Variants in PDLIM5 observed in about 807,000 individuals in gnomAD.
PDLIM5 encodes the protein PDZ and LIM domain protein 5.
A neutral mutation model predicts 64.2 loss-of-function variants in PDLIM5; 34 were observed. The ratio of observed to expected loss-of-function variants is 0.53; its 90% CI spans 0.40 to 0.71. The LOEUF is 0.71. Ranked by LOEUF, PDLIM5 falls within the 30% of genes least tolerant of loss-of-function variation. The pLI is 0.00. For synonymous variants in PDLIM5, 253 were observed against 269.1 expected (o/e 0.94, Z 0.59); for missense variants, 683 against 733.6 (o/e 0.93, Z 0.80).
intron 9 of PDLIM5, among the ~76,000 whole-genome samples, chr4:94,646,546 A>G (rs1363945691): frequency 6.6e-6 from 1 of 152,246 alleles, no homozygotes; most frequent in Non-Finnish European, 1.5e-5. Context: ...TAAAAAATAC[A>G]GACAAGCAAA....
chr4:94,529,804 G>C lies in PDLIM5; in HGVS notation c.248+5929G>C, dbSNP rs573430525. Among the ~76,000 whole-genome samples the C allele has an allele frequency of 2.6e-5, 4 of 152,184 alleles. No individual in the cohort carries two copies. The East Asian group carries it at 7.7e-4, about 29-fold the overall frequency. The stretch of plus-strand genomic sequence containing the variant: ...CCGTGAAACTAATTCTAGGAGTACT[G>C]CAACTGAACTATAAAAAATTCTATT... On this transcript the variant is annotated intron_variant, in intron 3 of 12. Transcript: ENST00000317968.
chr4:94,603,505 C>G (rs1737661438), intron 7 of PDLIM5, among the ~76,000 whole-genome samples: 1 of 152,108 alleles, frequency 6.6e-6, no homozygotes, highest in African/African-American at 2.4e-5. Context: ...ACTGGGAAAA[C>G]TGGGACGTTG....
chr4:94,456,621 G>T, intron 2 of PDLIM5: 1 of 762,358 alleles, frequency 1.3e-6, no homozygotes, highest in South Asian at 1.6e-5. Context: ...TAAGGAAAGT[G>T]ACATTTAACC....
At chr4:94,583,281 T>C (rs560350448) in intron 5 of PDLIM5, among the ~76,000 whole-genome samples, 1 of 152,252 alleles carries the variant, frequency 6.6e-6, no homozygotes, top group African/African-American at 2.4e-5. Flanking sequence ...GGTAGTGTAC[T>C]TTTTACAAGT....
intron 7 of PDLIM5, among the ~76,000 whole-genome samples, chr4:94,606,229 C>G (rs1480025757): frequency 6.6e-6 from 1 of 152,122 alleles, no homozygotes; most frequent in African/African-American, 2.4e-5. Flanking sequence ...AGCTTCTAGT[C>G]TTCTGAGACT....
intron 5 of PDLIM5, among the ~76,000 whole-genome samples, chr4:94,580,290 A>G (rs1444080531): frequency 6.6e-6 from 1 of 152,174 alleles, no homozygotes; most frequent in East Asian, 1.9e-4. Flanking sequence ...TTGGCATCAC[A>G]CCATAAAGTC....
intron 7 of PDLIM5, among the ~76,000 whole-genome samples, chr4:94,604,872 TA>T (rs1737791385): frequency 6.6e-6 from 1 of 152,178 alleles, no homozygotes; most frequent in Non-Finnish European, 1.5e-5. Context: ...CCACAGTTTT[TA>T]AAATGAGGAA....
At chr4:94,583,941 T>C (rs962743774) in intron 5 of PDLIM5, among the ~76,000 whole-genome samples, 1 of 152,212 alleles carries the variant, frequency 6.6e-6, no homozygotes, top group African/African-American at 2.4e-5. Context: ...GATGAGGAAA[T>C]TGAGCTTAGA....
chr4:94,499,496 A>C (rs1174863245), intron 2 of PDLIM5, among the ~76,000 whole-genome samples: 1 of 152,246 alleles, frequency 6.6e-6, no homozygotes, highest in Non-Finnish European at 1.5e-5. Flanking sequence ...ACAATAAAAA[A>C]TACAAAGAAA....
At chr4:94,643,550 A>G (rs149375981) in intron 9 of PDLIM5, among the ~76,000 whole-genome samples, 4 of 152,096 alleles carry the variant, frequency 2.6e-5, no homozygotes, top group African/African-American at 4.8e-5. Context: ...ATTAAAATCT[A>G]TTGACCATTT....
At chr4:94,658,619 A>T (rs1742406322) in intron 11 of PDLIM5, among the ~76,000 whole-genome samples, 1 of 152,230 alleles carries the variant, frequency 6.6e-6, no homozygotes, top group South Asian at 2.1e-4. Context: ...ATGGAGTTAA[A>T]GGAGCAGTCA....
chr4:94,626,003 C>T (rs1390961604), intron 8 of PDLIM5, among the ~76,000 whole-genome samples: 2 of 152,138 alleles, frequency 1.3e-5, no homozygotes, highest in Non-Finnish European at 2.9e-5. Flanking sequence ...TTTGAAGAAG[C>T]ATGATACAAG....
intron 3 of PDLIM5, among the ~76,000 whole-genome samples, chr4:94,551,170 G>A (rs1325124919): frequency 6.6e-6 from 1 of 151,804 alleles, no homozygotes; most frequent in Non-Finnish European, 1.5e-5. Flanking sequence ...TCTATCTCAG[G>A]GTTTTATAGC....
chr4:94,595,115 A>T (rs753934326), intron 7 of PDLIM5, among the ~76,000 whole-genome samples: 1 of 152,182 alleles, frequency 6.6e-6, no homozygotes, highest in Non-Finnish European at 1.5e-5. Flanking sequence ...ACCAGATCTC[A>T]TGAGAACAAT....
intron 2 of PDLIM5, among the ~76,000 whole-genome samples, chr4:94,470,043 T>C (rs1418624981): frequency 6.9e-6 from 1 of 145,392 alleles, no homozygotes; most frequent in Non-Finnish European, 1.5e-5. Flanking sequence ...CTCGACTCAC[T>C]GCAACCTCCG....
At chr4:94,587,814 A>G (rs1736361087) in intron 7 of PDLIM5, 1 of 883,734 alleles carries the variant, frequency 1.1e-6, no homozygotes, top group Non-Finnish European at 1.4e-6. Context: ...TTTTTAGAAT[A>G]TAGACAATTT....
chr4:94,532,998 G>A (rs979271326), intron 3 of PDLIM5, among the ~76,000 whole-genome samples: 2 of 152,080 alleles, frequency 1.3e-5, no homozygotes, highest in South Asian at 2.1e-4. Context: ...GTGAGACTCT[G>A]TCTCAAAAAA....
rs1735910918 is a variant in PDLIM5, at chr4:94,583,510, GA to G, written c.711-2054del. On this transcript the variant is annotated intron_variant, in intron 5 of 12. Coordinates refer to ENST00000317968, the MANE Select transcript of PDLIM5 (RefSeq NM_006457.5). ...GTAGCTCAATATAAAATTTTTCAAGGACTTGCATAAGATAAAGAGTTGTCTG... is the reference window on the plus strand; with the variant it reads ...GTAGCTCAATATAAAATTTTTCAAGGCTTGCATAAGATAAAGAGTTGTCTG... Among the ~76,000 whole-genome samples the G allele has an allele frequency of 3.3e-5, 5 of 152,226 alleles. No individual in the cohort carries two copies. In the South Asian group the frequency reaches 1.0e-3, roughly 32 times the overall value.
intron 3 of PDLIM5, among the ~76,000 whole-genome samples, chr4:94,536,847 T>C (rs1353753184): frequency 1.3e-5 from 2 of 152,232 alleles, no homozygotes; most frequent in Non-Finnish European, 2.9e-5. Flanking sequence ...CAGTGGCTGT[T>C]GTTGCTATTA....
Sources: allele counts gnomAD v4.1 joint callset (sites outside exome capture counted in the v4.1 genomes callset), GRCh38; gene constraint gnomAD v4.1.1; transcripts MANE v1.5; gene names NCBI Gene and HGNC (gene_info 2026-07-23, HGNC 2026-07-21).